EPS8: variants seen among roughly 807,000 people sequenced by gnomAD.
EPS8 encodes EGFR pathway substrate 8, signaling adaptor, also known as epidermal growth factor receptor kinase substrate 8.
Under a neutral mutation model 103.8 loss-of-function variants are expected in EPS8, and 42 were observed. That is an observed-to-expected ratio of 0.40 (90% confidence interval 0.32 to 0.52). The LOEUF is 0.52. Among genes scored for constraint, EPS8 ranks in the 20% least tolerant of loss-of-function variants. The pLI, the probability that EPS8 is intolerant of heterozygous loss-of-function variation, is 0.40. For synonymous variants in EPS8, 344 were observed against 344.6 expected (o/e 1.00, Z 0.02); for missense variants, 969 against 1,005.1 (o/e 0.96, Z 0.49).
chr12:15,658,546 T>C lies in EPS8; in HGVS notation c.977A>G (p.Asp326Gly). 1 of 1,613,436 alleles carries C rather than the reference T, an allele frequency of 6.2e-7. No homozygotes were observed. The highest frequency in any genetic ancestry group is 2.2e-5 in the East Asian group (1 of 44,858). The change falls in exon 11 of 21, where the codon GAT (aspartate) becomes GGT (glycine). Residue 326 changes from aspartate (D) to glycine (G), a missense_variant. Asp to Gly is a moderately conservative substitution (Grantham distance 94). Transcript: ENST00000281172. ...CTTTTGGAAACAGTCAAGAAATTCATCAGGAGGTGGAGGTTTTGCCCGCAG... is the reference window on the plus strand; with the variant it reads ...CTTTTGGAAACAGTCAAGAAATTCACCAGGAGGTGGAGGTTTTGCCCGCAG... Reference protein sequence around the residue: ...LTLRAKPPPPDEFLDCFQKFK... With the variant: ...LTLRAKPPPPGEFLDCFQKFK...
chr12:15,682,766 C>T, intron 2 of EPS8, 127 bp downstream of exon 2: 1 of 606,314 alleles, frequency 1.6e-6, no homozygotes, highest in South Asian at 2.0e-5. Context: ...AAAGATATTA[C>T]ATATTAATGA....
chr12:15,730,422 C>T (rs2135991757), intron 1 of EPS8, among the ~76,000 whole-genome samples: 2 of 152,112 alleles, frequency 1.3e-5, no homozygotes, highest in Non-Finnish European at 2.9e-5. Context: ...GCACTTGATT[C>T]CATCCAGTTT....
At chr12:15,773,707 GACA>G (rs1180167597) in intron 1 of EPS8, among the ~76,000 whole-genome samples, 5 of 152,046 alleles carry the variant, frequency 3.3e-5, no homozygotes, top group African/African-American at 7.2e-5. Context: ...ATAATCTCAG[GACA>G]ACATTATTTT....
At chr12:15,766,552 C>T (rs1419649846) in intron 1 of EPS8, among the ~76,000 whole-genome samples, 1 of 151,292 alleles carries the variant, frequency 6.6e-6, no homozygotes, top group Non-Finnish European at 1.5e-5. Flanking sequence ...ATGTGGGGCT[C>T]CTGTAATCCC....
At chr12:15,775,173 A>C (rs982696643) in intron 1 of EPS8, among the ~76,000 whole-genome samples, 1 of 152,162 alleles carries the variant, frequency 6.6e-6, no homozygotes, top group African/African-American at 2.4e-5. Flanking sequence ...GGCAGTCTTA[A>C]AGTTACCCAC....
chr12:15,650,934 C>A lies in EPS8; in HGVS notation c.1323G>T (p.Met441Ile), dbSNP rs766355424. The A allele has an allele frequency of 6.2e-7, 1 of 1,613,968 alleles. No homozygotes were observed. The highest frequency in any genetic ancestry group is 8.5e-7 in the Non-Finnish European group (1 of 1,179,976). ...PRFRNGWEPPMLNFMGATMEQ... is the reference protein window; with the variant it reads ...PRFRNGWEPPILNFMGATMEQ... ...CCATTGTGGCTCCCATAAAGTTCAG[C>A]ATTGGGGGCTCCCAGCCATTGCGGA... The change falls in exon 14 of 21, where the codon ATG becomes ATT. Residue 441 changes from methionine to isoleucine, a missense_variant. Coordinates refer to ENST00000281172, the MANE Select transcript of EPS8 (RefSeq NM_004447.6).
At chr12:15,637,098 G>A (rs375571240) in intron 17 of EPS8, among the ~76,000 whole-genome samples, 17 of 152,182 alleles carry the variant, frequency 1.1e-4, no homozygotes, top group African/African-American at 3.9e-4. Flanking sequence ...TCGGCTCACC[G>A]CATCCCCTGC....
chr12:15,730,195 A>G (rs948450661), intron 1 of EPS8, among the ~76,000 whole-genome samples: 2 of 147,404 alleles, frequency 1.4e-5, no homozygotes, highest in Non-Finnish European at 1.5e-5. Context: ...CTTTTGTAAT[A>G]CACACACACA....
intron 9 of EPS8, among the ~76,000 whole-genome samples, chr12:15,661,481 T>A (rs1945604092): frequency 6.6e-6 from 1 of 152,188 alleles, no homozygotes; most frequent in South Asian, 2.1e-4. Flanking sequence ...ATTAACATCA[T>A]ATTCTAGATC....
intron 1 of EPS8, among the ~76,000 whole-genome samples, chr12:15,722,714 C>A (rs56074921): frequency 4.6e-5 from 7 of 152,100 alleles, no homozygotes; most frequent in African/African-American, 1.4e-4. Flanking sequence ...CTGGTGAGGA[C>A]TTGCTCTCTG....
rs1032970098 is a variant in EPS8, at chr12:15,727,656, G to A, written c.-21-44684C>T. Among the ~76,000 whole-genome samples the A allele has an allele frequency of 3.3e-5, 5 of 152,110 alleles. No individual in the cohort carries two copies. The highest frequency in any genetic ancestry group is 7.2e-5 in the African/African-American group (3 of 41,418). On this transcript the variant is annotated intron_variant, in intron 1 of 20. Transcript: ENST00000281172. This position sits in a 1 kb window ranked among gnomAD's most constrained non-coding sequence, Gnocchi z 4.3. ...GGGCGGATCACGAGGTCAGGAGTTC[G>A]AGACCAGCCTGACCAACACGGTGAA...
rs1031644632 is a variant in EPS8, at chr12:15,697,889, T to C, written c.-21-14917A>G. On this transcript the variant is annotated intron_variant, in intron 1 of 20. Coordinates refer to ENST00000281172, the MANE Select transcript of EPS8 (RefSeq NM_004447.6). This position sits in a 1 kb window ranked among gnomAD's most constrained non-coding sequence, Gnocchi z 5.6. ...CAAGATAGTACCAGAATAAAGACAA[T>C]GGACACTAAAGTGACAAAAGAATCA... is the stretch of plus-strand genomic sequence containing the variant. 3.3e-5 allele frequency among the ~76,000 whole-genome samples: 5 copies of C among 152,048 alleles called. No homozygotes were observed. Among genetic ancestry groups the C allele is most frequent in the Non-Finnish European group, 5.9e-5 (4 of 68,004 alleles).
intron 1 of EPS8, among the ~76,000 whole-genome samples, chr12:15,718,760 C>T (rs996980099): frequency 1.3e-5 from 2 of 152,060 alleles, no homozygotes; most frequent in Admixed American, 6.5e-5. Context: ...TTTAAACCTA[C>T]AATGTCCTCA....
intron 13 of EPS8, among the ~76,000 whole-genome samples, chr12:15,651,917 C>T (rs1206552195): frequency 1.3e-5 from 2 of 151,898 alleles, no homozygotes; most frequent in East Asian, 1.9e-4. Context: ...CAATATATTT[C>T]GTTTTGATGT....
At chr12:15,711,666 G>A (rs1946466843) in intron 1 of EPS8, among the ~76,000 whole-genome samples, 1 of 152,124 alleles carries the variant, frequency 6.6e-6, no homozygotes, top group Non-Finnish European at 1.5e-5. Context: ...AATATACCAG[G>A]CCATAAACAT....
rs911565873 is a variant in EPS8, at chr12:15,706,877, C to A, written c.-21-23905G>T. Among the ~76,000 whole-genome samples, 2 of 151,976 alleles carry A rather than the reference C, an allele frequency of 1.3e-5. No individual in the cohort carries two copies. Among genetic ancestry groups the A allele is most frequent in the African/African-American group, 4.8e-5 (2 of 41,340 alleles). On this transcript the variant is annotated intron_variant, in intron 1 of 20. Coordinates refer to ENST00000281172, the MANE Select transcript of EPS8 (RefSeq NM_004447.6). The surrounding 1 kb of genome is among the most constrained non-coding windows in gnomAD (Gnocchi z 5.2). ...TACTAACTAAATTTATACAAATGCC[C>A]ATATTTGATATCTAGTTAGCAAGCC... is the stretch of plus-strand genomic sequence containing the variant.
intron 1 of EPS8, among the ~76,000 whole-genome samples, chr12:15,739,419 G>A (rs768745066): frequency 3.3e-5 from 5 of 152,180 alleles, no homozygotes; most frequent in Admixed American, 2.0e-4. Context: ...AGAGATTGGC[G>A]TGTGAGTCGG....
rs1001099393 is a variant in EPS8 at position 15,777,200 on chromosome 12, T to C, written c.-22+11961A>G. On this transcript the variant is annotated intron_variant, in intron 1 of 20. Coordinates refer to ENST00000281172, the MANE Select transcript of EPS8 (RefSeq NM_004447.6). This position sits in a 1 kb window ranked among gnomAD's most constrained non-coding sequence, Gnocchi z 4.7. ...ATATAAATTTTTTTTTTACATTATA[T>C]AACTCAAGATATATTTTAATTCAAA... Among the ~76,000 whole-genome samples, 17 of 151,976 alleles carry C rather than the reference T, an allele frequency of 1.1e-4. No individual in the cohort carries two copies. The highest frequency in any genetic ancestry group is 2.4e-4 in the Non-Finnish European group (16 of 67,998).
intron 1 of EPS8, among the ~76,000 whole-genome samples, chr12:15,723,787 G>C (rs955902180): frequency 6.6e-6 from 1 of 152,046 alleles, no homozygotes; most frequent in African/African-American, 2.4e-5. Context: ...AAAACCAAAA[G>C]TTTTTGATCA....
Sources: allele counts gnomAD v4.1 joint callset (sites outside exome capture counted in the v4.1 genomes callset), GRCh38; gene constraint gnomAD v4.1.1; non-coding constraint Gnocchi (gnomAD v3.1); transcripts MANE v1.5; gene names NCBI Gene and HGNC (gene_info 2026-07-23, HGNC 2026-07-21).